Variants in NEDD4L observed in about 807,000 individuals in gnomAD.
NEDD4L encodes the protein NEDD4 like E3 ubiquitin protein ligase.
Under a neutral mutation model 148.9 loss-of-function variants are expected in NEDD4L, and 54 were observed. That is an observed-to-expected ratio of 0.36 (90% CI 0.29 to 0.45). NEDD4L has a LOEUF of 0.45. Among genes scored for constraint, NEDD4L ranks in the 20% least tolerant of loss-of-function variants. The pLI, the probability that NEDD4L is intolerant of heterozygous loss-of-function variation, is 1.00. For missense variants in NEDD4L, 856 were observed against 1,233.8 expected, an observed-to-expected ratio of 0.69 and a Z score of 4.59; for synonymous variants, 433 against 440.7, an observed-to-expected ratio of 0.98 and a Z score of 0.22.
intron 2 of NEDD4L, among the ~76,000 whole-genome samples, chr18:58,168,651 C>T (rs1031518314): frequency 1.3e-5 from 2 of 151,938 alleles, no homozygotes; most frequent in East Asian, 1.9e-4. Flanking sequence ...GAGTATTCCC[C>T]GCACCTCTGT....
At chr18:58,269,060 C>A (rs111657911) in intron 5 of NEDD4L, among the ~76,000 whole-genome samples, 2,642 of 152,100 alleles carry the variant, frequency 0.017, 65 homozygotes, top group African/African-American at 0.057. Context: ...GAACAAGTTT[C>A]TTACTTTGCC....
intron 22 of NEDD4L, among the ~76,000 whole-genome samples, chr18:58,369,999 G>C (rs1168782398): frequency 6.6e-6 from 1 of 152,170 alleles, no homozygotes; most frequent in African/African-American, 2.4e-5. Flanking sequence ...CCCCATGTGG[G>C]CTCTGCACTG....
rs2050588879 is a variant in NEDD4L at position 58,397,774 on chromosome 18, A to C, written c.*1505A>C. 6.6e-6 allele frequency: 1 copy of C among 152,594 alleles called. No homozygotes were observed. The highest frequency in any genetic ancestry group is 2.1e-4 in the South Asian group (1 of 4,818). 9.5% of individuals were successfully genotyped at this position (152,594 alleles called of 1,614,324 possible). ...ATTGCAGAATTGTCGTGCTTTGAGA[A>C]AACACCTGAGGCAGTGTGGGAGTTG... is the stretch of plus-strand genomic sequence containing the variant. On this transcript the variant is annotated 3_prime_UTR_variant, in exon 31 of 31. Coordinates refer to ENST00000400345, the MANE Select transcript of NEDD4L (RefSeq NM_001144967.3).
At chr18:58,087,148 A>G (rs748832498) in intron 1 of NEDD4L, among the ~76,000 whole-genome samples, 1 of 152,202 alleles carries the variant, frequency 6.6e-6, no homozygotes, top group Non-Finnish European at 1.5e-5. Context: ...CTGACTTCTT[A>G]ACAAAGGATT....
chr18:58,192,387 G>A (rs1413421519), intron 2 of NEDD4L, among the ~76,000 whole-genome samples: 2 of 152,168 alleles, frequency 1.3e-5, no homozygotes, highest in Non-Finnish European at 2.9e-5. Context: ...GGAGACAGTG[G>A]CAGGGAAGTT....
chr18:58,309,359 C>A (rs2057413874), intron 5 of NEDD4L, among the ~76,000 whole-genome samples: 1 of 152,172 alleles, frequency 6.6e-6, no homozygotes, highest in African/African-American at 2.4e-5. Context: ...CCTGGCCTTC[C>A]CTCAGCAGAA....
intron 1 of NEDD4L, among the ~76,000 whole-genome samples, chr18:58,162,682 G>A (rs1022530136): frequency 2.6e-5 from 4 of 151,196 alleles, no homozygotes; most frequent in African/African-American, 9.7e-5. Flanking sequence ...TCCAGATAAC[G>A]TGTCTGGCAC....
chr18:58,296,852 G>C (rs958683159), intron 5 of NEDD4L, among the ~76,000 whole-genome samples: 1 of 152,312 alleles, frequency 6.6e-6, no homozygotes, highest in East Asian at 1.9e-4. Context: ...AACCTGGGAG[G>C]TGGAGGTTGC....
At chr18:58,284,713 G>C (rs918200058) in intron 5 of NEDD4L, among the ~76,000 whole-genome samples, 3 of 152,154 alleles carry the variant, frequency 2.0e-5, no homozygotes, top group Non-Finnish European at 4.4e-5. Context: ...TTTTAGATAA[G>C]TGATGTTTGC....
At chr18:58,142,036 C>CTTTT (rs1462744620) in intron 1 of NEDD4L, among the ~76,000 whole-genome samples, 1 of 44,822 alleles carries the variant, frequency 2.2e-5, no homozygotes, top group Non-Finnish European at 4.5e-5. Context: ...TCCAAAATTT[C>CTTTT]TTTCTTTTTT....
chr18:58,113,605 A>G (rs1276479349), intron 1 of NEDD4L, among the ~76,000 whole-genome samples: 1 of 152,148 alleles, frequency 6.6e-6, no homozygotes, highest in African/African-American at 2.4e-5. Context: ...ACTGAAATAA[A>G]GTCTGTATTG....
intron 5 of NEDD4L, among the ~76,000 whole-genome samples, chr18:58,285,575 G>A (rs192820148): frequency 5.0e-4 from 76 of 152,114 alleles, no homozygotes; most frequent in African/African-American, 1.7e-3. Context: ...GCTTATTATC[G>A]TTTAAACTAT....
rs115066810 is a variant in NEDD4L at position 58,318,003 on chromosome 18, C to T, written c.348+1971C>T. 4.2e-3 allele frequency among the ~76,000 whole-genome samples: 641 copies of T among 152,258 alleles called. 7 individuals carry two copies. The highest frequency in any genetic ancestry group is 0.014 in the African/African-American group (601 of 41,524). ...ACCCAAGTTGCGTGTTCTGAATGCA[C>T]GTGGCTTTTGAATCCAGGATTTCAG... On this transcript the variant is annotated intron_variant, in intron 6 of 30. Transcript: ENST00000400345.
Position 58,256,107 on chromosome 18 carries a change from C to G in NEDD4L, c.297+4053C>G. The G allele has an allele frequency of 1.6e-6, 2 of 1,226,980 alleles. No homozygotes were observed. The highest frequency in any genetic ancestry group is 2.0e-6 in the Non-Finnish European group (2 of 984,934). 76.0% of individuals were successfully genotyped at this position (1,226,980 alleles called of 1,614,324 possible). ...AGGGACACCCCCGGGAGCTCCCCTC[C>G]GAGGGCAGCCCGGGACCCAGGGCTC... On this transcript the variant is annotated intron_variant, in intron 5 of 30. Transcript: ENST00000400345. The surrounding 1 kb of genome is among the most constrained non-coding windows in gnomAD (Gnocchi z 5.2).
intron 5 of NEDD4L, among the ~76,000 whole-genome samples, chr18:58,310,977 T>C (rs537040038): frequency 5.3e-5 from 8 of 152,338 alleles, no homozygotes; most frequent in Non-Finnish European, 7.3e-5. Context: ...CTAAATTCTC[T>C]ACAATTCCCT....
At chr18:58,304,992 C>G (rs1194313964) in intron 5 of NEDD4L, among the ~76,000 whole-genome samples, 3 of 152,192 alleles carry the variant, frequency 2.0e-5, no homozygotes, top group East Asian at 1.9e-4. Context: ...GAATCTTACT[C>G]CTATTAATAT....
chr18:58,365,436 T>C (rs2045992415), intron 20 of NEDD4L, among the ~76,000 whole-genome samples: 2 of 152,172 alleles, frequency 1.3e-5, no homozygotes, highest in Non-Finnish European at 2.9e-5. Flanking sequence ...GCCACAACCT[T>C]GGTCAAGTGT....
At chr18:58,387,544 TATCTCTC>T in intron 27 of NEDD4L, 46 bp downstream of exon 27, 1 of 1,452,702 alleles carries the variant, frequency 6.9e-7, no homozygotes, top group Non-Finnish European at 9.2e-7. Context: ...TTTTTTAAAG[TATCTCTC>T]ATTACTTTAC....
intron 1 of NEDD4L, among the ~76,000 whole-genome samples, chr18:58,150,163 G>A (rs1016224797): frequency 1.3e-5 from 2 of 152,196 alleles, no homozygotes; most frequent in African/African-American, 4.8e-5. Flanking sequence ...ATGTCTTTCA[G>A]TTCTAAATCA....
Sources: gnomAD v4.1 joint callset for allele counts (sites outside exome capture counted in the v4.1 genomes callset) on GRCh38, gnomAD v4.1.1 for gene constraint, Gnocchi (gnomAD v3.1) non-coding constraint, MANE v1.5 for transcripts, NCBI Gene and HGNC (gene_info 2026-07-23, HGNC 2026-07-21) for gene names.